Variants in ERCC3 observed in about 807,000 individuals in gnomAD.
The protein encoded by ERCC3 is general transcription and DNA repair factor IIH helicase/translocase subunit XPB.
ERCC3 carries 66 observed loss-of-function variants against 94.2 expected under a neutral mutation model. That is an observed-to-expected ratio of 0.70 (90% CI 0.57 to 0.86). The LOEUF is 0.86. Among genes scored for constraint, ERCC3 ranks in the 40% least tolerant of loss-of-function variants. ERCC3 has a pLI of 0.00. For synonymous variants in ERCC3, 349 were observed against 369.1 expected (o/e 0.95, Z 0.63); for missense variants, 829 against 987.1 (o/e 0.84, Z 2.15).
Position 127,274,596 on chromosome 2 carries a change from G to A in ERCC3, c.1731-1635C>T, listed in dbSNP as rs1392719985. The stretch of plus-strand genomic sequence containing the variant: ...CTGCACACCCAGGCTGATGGCCTCT[G>A]ATTAGCCCAGTCACAAGCTGCCTTG... On this transcript the variant is annotated intron_variant, in intron 10 of 14. Coordinates refer to ENST00000285398, the MANE Select transcript of ERCC3 (RefSeq NM_000122.2). The surrounding 1 kb of genome is among the most constrained non-coding windows in gnomAD (Gnocchi z 4.0). Among the ~76,000 whole-genome samples, 1 of 152,250 alleles carries A rather than the reference G, an allele frequency of 6.6e-6. No individual in the cohort carries two copies.
rs145984288 is a variant in ERCC3, at chr2:127,271,833, C to T, written c.1828-380G>A. ...CATCCATACTCTTACCTGTTGGCCA[C>T]TGACACCAGCAGCACACGTGGGATG... On this transcript the variant is annotated intron_variant, in intron 11 of 14. Coordinates refer to ENST00000285398, the MANE Select transcript of ERCC3 (RefSeq NM_000122.2). The surrounding 1 kb of genome is among the most constrained non-coding windows in gnomAD (Gnocchi z 5.0). Among the ~76,000 whole-genome samples, 3 of 152,206 alleles carry T rather than the reference C, an allele frequency of 2.0e-5. No individual in the cohort carries two copies. Among genetic ancestry groups the T allele is most frequent in the African/African-American group, 7.2e-5 (3 of 41,534 alleles).
intron 12 of ERCC3, chr2:127,262,028 T>C (rs1425517494): frequency 6.5e-6 from 1 of 152,748 alleles, no homozygotes; most frequent in Non-Finnish European, 1.5e-5. Context: ...AATTTGTACA[T>C]GAATTTCATA....
chr2:127,272,261 G>A (rs561533882), intron 11 of ERCC3, among the ~76,000 whole-genome samples: 1 of 152,108 alleles, frequency 6.6e-6, no homozygotes, highest in Admixed American at 6.5e-5. Flanking sequence ...CTGACCTCCG[G>A]TGATCCACCC....
chr2:127,277,978 ACT>A lies in ERCC3; in HGVS notation c.1730+1193_1730+1194del, dbSNP rs777767940. ...GGCTGGCCAGGTGTGGTGGCTCATG[ACT>A]CTAATCCCAGCACTTTGGGAGGCCA... is the stretch of plus-strand genomic sequence containing the variant. On this transcript the variant is annotated intron_variant, in intron 10 of 14. Transcript: ENST00000285398. This position sits in a 1 kb window ranked among gnomAD's most constrained non-coding sequence, Gnocchi z 5.1. 6.9e-4 allele frequency among the ~76,000 whole-genome samples: 105 copies of A among 151,588 alleles called. No homozygotes were observed. The highest frequency in any genetic ancestry group is 1.1e-3 in the Admixed American group (17 of 15,224).
At position 127,261,315 on chromosome 2, in the gene ERCC3, G is replaced by A. The variant is rs973740750; in HGVS notation, c.1977C>T (p.Phe659=). 6.2e-7 allele frequency: 1 copy of A among 1,611,584 alleles called. No homozygotes were observed. The highest frequency in any genetic ancestry group is 8.5e-7 in the Non-Finnish European group (1 of 1,177,794). The stretch of plus-strand genomic sequence containing the variant: ...GTGTGTCCTGGGATACCAGTGAGTA[G>A]AAAAAGGCATTGTACTCTTCTGCAA... ...GMVAEEYNAF[F]YSLVSQDTQE... Residue 659 remains phenylalanine (F), a synonymous_variant, in exon 13 of 15, where the codon TTC becomes TTT. Coordinates refer to ENST00000285398, the MANE Select transcript of ERCC3 (RefSeq NM_000122.2).
At chr2:127,270,048 A>AATC (rs1558951537) in intron 12 of ERCC3, among the ~76,000 whole-genome samples, 20 of 136,010 alleles carry the variant, frequency 1.5e-4, no homozygotes, top group African/African-American at 3.1e-4. Context: ...ATCAATCAAT[A>AATC]AAGGAGTTTT....
chr2:127,278,935 C>T (rs1684821401), intron 10 of ERCC3, among the ~76,000 whole-genome samples: 1 of 152,204 alleles, frequency 6.6e-6, no homozygotes, highest in Non-Finnish European at 1.5e-5. Context: ...CAAGTCTCTG[C>T]TCCCTGTTCT....
At position 127,261,265 on chromosome 2, in the gene ERCC3, C is replaced by T. The variant is rs1333056804; in HGVS notation, c.2027G>A (p.Arg676Gln). The change falls in exon 13 of 15, where the codon CGG becomes CAG. Residue 676 changes from arginine to glutamine, a missense_variant. By Grantham distance (43) the Arg-to-Gln change is conservative. Coordinates refer to ENST00000285398, the MANE Select transcript of ERCC3 (RefSeq NM_000122.2). ...DTQEMAYSTK[R>Q]QRFLVDQGYS... is the part of the protein sequence containing the mutation. ...ACCTTGATCTACCAAGAATCTCTGC[C>T]GCTTGGTTGAGTAAGCCATTTCCTG... The T allele has an allele frequency of 3.1e-6, 5 of 1,612,654 alleles. No individual in the cohort carries two copies. Among genetic ancestry groups the T allele is most frequent in the African/African-American group, 2.7e-5 (2 of 75,028 alleles).
intron 11 of ERCC3, among the ~76,000 whole-genome samples, chr2:127,272,323 T>C (rs559861864): frequency 1.3e-5 from 2 of 151,890 alleles, no homozygotes; most frequent in Non-Finnish European, 2.9e-5. Context: ...CCGCGCCCGG[T>C]TGTAAAATCT....
At chr2:127,285,016 C>A (rs1242844955) in intron 8 of ERCC3, among the ~76,000 whole-genome samples, 1 of 152,166 alleles carries the variant, frequency 6.6e-6, no homozygotes, top group East Asian at 1.9e-4. Context: ...ATCCCTTAAT[C>A]TGTTTTTATC....
rs777264817 is a variant in ERCC3, at chr2:127,286,608, T to C, written c.1342+95A>G. On this transcript the variant is annotated intron_variant, in intron 8 of 14. Coordinates refer to ENST00000285398, the MANE Select transcript of ERCC3 (RefSeq NM_000122.2). ...CAAGCCAGCAAGTCTTTCTAGCCAG[T>C]TGGGTGGGCTACACAGCAGTCCCTT... 1,036 of 1,182,192 alleles carry C rather than the reference T, an allele frequency of 8.8e-4. 2 individuals are homozygous for C. Among genetic ancestry groups the C allele is most frequent in the Non-Finnish European group, 1.2e-3 (948 of 794,244 alleles). 73.2% of individuals were successfully genotyped at this position (1,182,192 alleles called of 1,614,324 possible).
At chr2:127,292,513 C>T (rs376073277) in intron 3 of ERCC3, 97 bp downstream of exon 3, 25 of 849,518 alleles carry the variant, frequency 2.9e-5, no homozygotes, top group Non-Finnish European at 4.7e-5. Context: ...CTGAATGGCA[C>T]ATTCTCATGG....
rs1558946944 is a variant in ERCC3, at chr2:127,261,208, G to A, written c.2064+20C>T. On this transcript the variant is annotated intron_variant, in intron 13 of 14. Transcript: ENST00000285398. ...GAAGGCCTTGGTCCTAGTCTAACCA[G>A]AAGCCAAATGGATATGTACCTTGAA... The A allele has an allele frequency of 6.8e-7, 1 of 1,475,668 alleles. No homozygotes were observed. The highest frequency in any genetic ancestry group is 1.1e-5 in the South Asian group (1 of 88,270). 91.4% of individuals were successfully genotyped at this position (1,475,668 alleles called of 1,614,324 possible). A position where few individuals can be genotyped will look rare whatever the true frequency, so the allele number is the denominator to read the frequency against.
intron 12 of ERCC3, among the ~76,000 whole-genome samples, chr2:127,267,604 A>T (rs1457341210): frequency 6.6e-6 from 1 of 152,116 alleles, no homozygotes; most frequent in Admixed American, 6.6e-5. Flanking sequence ...GTTTACATTC[A>T]AGGTTAATAT....
At chr2:127,273,959 A>G (rs1433164152) in intron 10 of ERCC3, among the ~76,000 whole-genome samples, 2 of 151,640 alleles carry the variant, frequency 1.3e-5, no homozygotes, top group African/African-American at 4.9e-5. Flanking sequence ...GACAATGAAG[A>G]CAAACTACAG....
chr2:127,271,354 C>T lies in ERCC3; in HGVS notation c.1927G>A (p.Val643Met), dbSNP rs1342057472. 2 of 1,613,696 alleles carry T rather than the reference C, an allele frequency of 1.2e-6. No homozygotes were observed. Among genetic ancestry groups the T allele is most frequent in the South Asian group, 1.1e-5 (1 of 91,070 alleles). The change falls in exon 12 of 15, where the codon GTG (valine) becomes ATG (methionine). Residue 643 changes from valine (V) to methionine (M), a missense_variant. Transcript: ENST00000285398. The surrounding 1 kb of genome is among the most constrained non-coding windows in gnomAD (Gnocchi z 5.0). Reference protein sequence around the residue: ...RRQEAQRLGRVLRAKKGMVAE... With the variant: ...RRQEAQRLGRMLRAKKGMVAE... ...ACTTTACCTTTTTTAGCTCGAAGCA[C>T]CCGCCCTAGCCTTTGGGCTTCCTGA... is the stretch of plus-strand genomic sequence containing the variant.
At chr2:127,285,809 C>T (rs904515044) in intron 8 of ERCC3, among the ~76,000 whole-genome samples, 3 of 151,626 alleles carry the variant, frequency 2.0e-5, no homozygotes, top group Admixed American at 6.6e-5. Flanking sequence ...CAAGATCACA[C>T]GACTGCACTC....
rs755590998 is a variant in ERCC3 at position 127,258,187 on chromosome 2, C to T, written c.2218-460G>A. Among the ~76,000 whole-genome samples the T allele has an allele frequency of 1.3e-5, 2 of 152,166 alleles. No homozygotes were observed. Among genetic ancestry groups the T allele is most frequent in the Non-Finnish European group, 2.9e-5 (2 of 68,046 alleles). ...GACTCAACTGATCCTCCCGCCTAGG[C>T]CTCCCAAAGTGCTGGGATTACAGAC... On this transcript the variant is annotated intron_variant, in intron 14 of 14. Coordinates refer to ENST00000285398, the MANE Select transcript of ERCC3 (RefSeq NM_000122.2). The surrounding 1 kb of genome is among the most constrained non-coding windows in gnomAD (Gnocchi z 4.1).
intron 12 of ERCC3, among the ~76,000 whole-genome samples, chr2:127,271,000 C>T (rs184018966): frequency 6.6e-6 from 1 of 152,244 alleles, no homozygotes; most frequent in Non-Finnish European, 1.5e-5. Context: ...TCCACTTACA[C>T]TGGTGGCCCA....
Sources: allele counts gnomAD v4.1 joint callset (sites outside exome capture counted in the v4.1 genomes callset), GRCh38; gene constraint gnomAD v4.1.1; non-coding constraint Gnocchi (gnomAD v3.1); transcripts MANE v1.5; gene names NCBI Gene and HGNC (gene_info 2026-07-23, HGNC 2026-07-21).